Variants in KPNA1 observed in about 807,000 individuals in gnomAD.
KPNA1 encodes the protein importin subunit alpha-5.
KPNA1 carries 10 observed loss-of-function variants against 70.5 expected under a neutral mutation model. The observed-to-expected ratio is 0.14, with a 90% CI of 0.09 to 0.24. The LOEUF is 0.24. KPNA1 is among the 10% of genes least tolerant of loss of function. KPNA1 has a pLI of 1.00. For missense variants in KPNA1, 397 were observed against 637.9 expected, an observed-to-expected ratio of 0.62 and a Z score of 4.07; for synonymous variants, 192 against 221.9, an observed-to-expected ratio of 0.87 and a Z score of 1.20.
At chr3:122,468,140 T>C (rs1438272682) in intron 2 of KPNA1, among the ~76,000 whole-genome samples, 1 of 151,980 alleles carries the variant, frequency 6.6e-6, no homozygotes, top group Non-Finnish European at 1.5e-5. Flanking sequence ...CATTGGACAA[T>C]AAAAACCACA....
chr3:122,496,667 T>C, intron 1 of KPNA1, 97 bp from the exon 2 acceptor site: 1 of 1,115,638 alleles, frequency 9.0e-7, no homozygotes, highest in Non-Finnish European at 1.3e-6. Context: ...CCCAGACATA[T>C]CCCAAAGGGA....
At chr3:122,478,875 C>T (rs2107477232) in intron 2 of KPNA1, among the ~76,000 whole-genome samples, 1 of 57,864 alleles carries the variant, frequency 1.7e-5, no homozygotes, top group South Asian at 5.9e-4. Context: ...GCCTGGGCAA[C>T]AAGAGCAAAA....
chr3:122,477,860 CAAA>C (rs35446717), intron 2 of KPNA1, among the ~76,000 whole-genome samples: 8 of 144,706 alleles, frequency 5.5e-5, no homozygotes, highest in East Asian at 4.0e-4. Context: ...ATATCTGTAT[CAAA>C]AAAAAAAAAA....
chr3:122,463,089 C>A (rs543064766), intron 4 of KPNA1, among the ~76,000 whole-genome samples: 1 of 151,914 alleles, frequency 6.6e-6, no homozygotes, highest in East Asian at 1.9e-4. Flanking sequence ...CAGTGGCTCA[C>A]GCCTGTAATC....
Position 122,449,684 on chromosome 3 carries a change from A to C in KPNA1, c.807T>G (p.Asp269Glu), listed in dbSNP as rs750649549. 6.2e-7 allele frequency: 1 copy of C among 1,613,828 alleles called. No homozygotes were observed. Among genetic ancestry groups the C allele is most frequent in the East Asian group, 2.2e-5 (1 of 44,866 alleles). ...LSWLLFVSDT[D>E]VLADACWALS... ...GGGCCCAGCAGGCATCAGCCAGTAC[A>C]TCAGTGTCACTGACAAACAGCAACC... The change falls in exon 9 of 14, where the codon GAT (aspartate) becomes GAG (glutamate). Residue 269 changes from aspartate to glutamate, a missense_variant. By Grantham distance (45) the Asp-to-Glu change is conservative. Coordinates refer to ENST00000344337, the MANE Select transcript of KPNA1 (RefSeq NM_002264.4).
Position 122,422,905 on chromosome 3 carries a change from C to A in KPNA1, c.*4080G>T, listed in dbSNP as rs560071620. ...TAGTTGAAAACAGAACGGAACACTT[C>A]TTTTCTTTCTTCTTACCCCAAGCTT... is the stretch of plus-strand genomic sequence containing the variant. On this transcript the variant is annotated 3_prime_UTR_variant, in exon 14 of 14. Transcript: ENST00000344337. 1 of 152,328 alleles carries A rather than the reference C, an allele frequency of 6.6e-6. No homozygotes were observed. Among genetic ancestry groups the A allele is most frequent in the South Asian group, 2.1e-4 (1 of 4,832 alleles). The allele number at this position is 152,328 out of a possible 1,614,324, so 9.4% of individuals were successfully genotyped here.
intron 9 of KPNA1, among the ~76,000 whole-genome samples, chr3:122,446,557 A>G (rs2076141082): frequency 6.6e-6 from 1 of 152,270 alleles, no homozygotes; most frequent in Admixed American, 6.5e-5. Flanking sequence ...CTAAATGCCC[A>G]CAAGAGAAAG....
chr3:122,498,287 T>A (rs1576343917), intron 1 of KPNA1, among the ~76,000 whole-genome samples: 1 of 152,202 alleles, frequency 6.6e-6, no homozygotes, highest in South Asian at 2.1e-4. Flanking sequence ...TCCATATGAA[T>A]AGGATTAAAG....
intron 2 of KPNA1, among the ~76,000 whole-genome samples, chr3:122,472,311 G>C (rs1326701623): frequency 1.3e-5 from 2 of 151,906 alleles, no homozygotes; most frequent in Non-Finnish European, 2.9e-5. Context: ...CAAGTACTTG[G>C]AGATTAAACA....
intron 1 of KPNA1, among the ~76,000 whole-genome samples, chr3:122,497,591 TAA>T (rs1479929997): frequency 6.6e-6 from 1 of 152,194 alleles, no homozygotes; most frequent in Non-Finnish European, 1.5e-5. Context: ...ACTTTGCTAT[TAA>T]AACTTTCATT....
intron 5 of KPNA1, among the ~76,000 whole-genome samples, chr3:122,455,396 T>A (rs560237192): frequency 2.0e-5 from 3 of 152,168 alleles, no homozygotes; most frequent in Non-Finnish European, 4.4e-5. Context: ...CTTTTTGTTA[T>A]AACAAAAATT....
At chr3:122,431,311 G>T (rs2075903167) in intron 12 of KPNA1, among the ~76,000 whole-genome samples, 1 of 148,154 alleles carries the variant, frequency 6.7e-6, no homozygotes, top group Admixed American at 6.8e-5. Flanking sequence ...AACTACAGGA[G>T]AACACCAACA....
intron 2 of KPNA1, among the ~76,000 whole-genome samples, chr3:122,478,866 C>G (rs2076536675): frequency 7.8e-6 from 1 of 128,436 alleles, no homozygotes; most frequent in African/African-American, 2.8e-5. Flanking sequence ...TGCTCTCCAG[C>G]CTGGGCAACA....
At chr3:122,492,103 G>A (rs916787523) in intron 2 of KPNA1, among the ~76,000 whole-genome samples, 7 of 151,566 alleles carry the variant, frequency 4.6e-5, no homozygotes, top group Non-Finnish European at 7.4e-5. Flanking sequence ...CTCGTGATCC[G>A]CCCGTCTCGG....
At chr3:122,453,269 A>G (rs1050222033) in intron 6 of KPNA1, among the ~76,000 whole-genome samples, 1 of 152,184 alleles carries the variant, frequency 6.6e-6, no homozygotes, top group Non-Finnish European at 1.5e-5. Flanking sequence ...AAATTTCTAC[A>G]AGAAAAAACC....
intron 1 of KPNA1, among the ~76,000 whole-genome samples, chr3:122,500,964 A>G (rs1412731804): frequency 6.6e-6 from 1 of 150,514 alleles, no homozygotes; most frequent in East Asian, 1.9e-4. Flanking sequence ...TGCTCTTCTT[A>G]ACTCAGTCAC....
At chr3:122,445,019 G>A (rs1292885047) in intron 9 of KPNA1, among the ~76,000 whole-genome samples, 9 of 152,150 alleles carry the variant, frequency 5.9e-5, no homozygotes, top group African/African-American at 9.7e-5. Context: ...GCAGCTTCTC[G>A]CCAGCAACAG....
At chr3:122,477,456 T>C (rs2076515717) in intron 2 of KPNA1, among the ~76,000 whole-genome samples, 2 of 152,024 alleles carry the variant, frequency 1.3e-5, no homozygotes, top group African/African-American at 2.4e-5. Flanking sequence ...TCCCAGCAAT[T>C]TGGAAGGCTG....
chr3:122,483,622 G>C (rs773379272), intron 2 of KPNA1, among the ~76,000 whole-genome samples: 4 of 152,116 alleles, frequency 2.6e-5, no homozygotes, highest in Non-Finnish European at 5.9e-5. Flanking sequence ...TGGGATTACA[G>C]GTGTGAGCCA....
Sources: allele counts gnomAD v4.1 joint callset (sites outside exome capture counted in the v4.1 genomes callset), GRCh38; gene constraint gnomAD v4.1.1; transcripts MANE v1.5; gene names NCBI Gene and HGNC (gene_info 2026-07-23, HGNC 2026-07-21).